Variants in TAF5L observed in about 807,000 individuals in gnomAD.
The protein encoded by TAF5L is TATA-box binding protein associated factor 5 like, also known as TAF5-like RNA polymerase II p300/CBP-associated factor-associated factor 65 kDa subunit 5L.
TAF5L carries 7 observed loss-of-function variants against 51.3 expected under a neutral mutation model. The ratio of observed to expected loss-of-function variants is 0.14; its 90% CI spans 0.08 to 0.26. TAF5L has a LOEUF of 0.26. Ranked by LOEUF, TAF5L falls within the 10% of genes least tolerant of loss-of-function variation. The pLI is 1.00. For synonymous variants in TAF5L, 291 were observed against 308.1 expected (o/e 0.94, Z 0.58); for missense variants, 575 against 758.9 (o/e 0.76, Z 2.85).
At chr1:229,604,789 T>C (rs1261850382) in intron 3 of TAF5L, among the ~76,000 whole-genome samples, 1 of 152,200 alleles carries the variant, frequency 6.6e-6, no homozygotes. Flanking sequence ...GCAACCACCA[T>C]GTGACCAGCT....
chr1:229,605,824 C>A (rs1490163829), intron 3 of TAF5L, among the ~76,000 whole-genome samples: 1 of 152,194 alleles, frequency 6.6e-6, no homozygotes. Flanking sequence ...GGGTCTCCAG[C>A]CTGCTGGCCC....
At chr1:229,600,786 G>GAGA in intron 4 of TAF5L, 1 of 985,416 alleles carries the variant, frequency 1.0e-6, no homozygotes, top group Non-Finnish European at 1.2e-6. Flanking sequence ...GTAGTGGCCA[G>GAGA]AGTCTTAAAA....
chr1:229,615,430 C>T (rs1367330863), intron 1 of TAF5L, among the ~76,000 whole-genome samples: 4 of 151,898 alleles, frequency 2.6e-5, no homozygotes, highest in Non-Finnish European at 5.9e-5. Context: ...CTTTTTTGCT[C>T]TTTATTTAAA....
In TAF5L at chr1:229,594,006, A is replaced by C; in HGVS notation, c.*291T>G. On this transcript the variant is annotated 3_prime_UTR_variant, in exon 5 of 5. Transcript: ENST00000258281. The surrounding 1 kb of genome is among the most constrained non-coding windows in gnomAD (Gnocchi z 7.9). ...TCAGATGGTGAAAATGAGAGACAGG[A>C]AGGTGCTCGCATGCGCGAGGTCACG... is the stretch of plus-strand genomic sequence containing the variant. 1 of 305,704 alleles carries C rather than the reference A, an allele frequency of 3.3e-6. No homozygotes were observed. Among genetic ancestry groups the C allele is most frequent in the South Asian group, 4.2e-5 (1 of 23,936 alleles). The allele number at this position is 305,704 out of a possible 1,614,324, so 18.9% of individuals were successfully genotyped here.
intron 4 of TAF5L, among the ~76,000 whole-genome samples, chr1:229,597,811 C>T (rs1664183399): frequency 6.6e-6 from 1 of 152,152 alleles, no homozygotes; most frequent in Admixed American, 6.5e-5. Context: ...TCATCTCATG[C>T]ACCCTTGTGC....
Position 229,602,803 on chromosome 1 carries a change from G to A in TAF5L, c.364C>T (p.Arg122Cys), listed in dbSNP as rs1431470475. Residue 122 changes from arginine (R) to cysteine (C), a missense_variant, in exon 4 of 5, where the codon CGC (arginine) becomes TGC (cysteine). This residue lies in a region of TAF5L where 380 missense variants were observed against 443.7 expected (regional missense o/e 0.86). Transcript: ENST00000258281. The surrounding 1 kb of genome is among the most constrained non-coding windows in gnomAD (Gnocchi z 4.6). ...TTCTGCAGAAACATTCCATGGAAGCGGCTGTAAAAACTTTCCACTGTGCTC... is the reference window on the plus strand; with the variant it reads ...TTCTGCAGAAACATTCCATGGAAGCAGCTGTAAAAACTTTCCACTGTGCTC... 1.1e-5 allele frequency: 18 copies of A among 1,613,860 alleles called. No individual in the cohort carries two copies. Among genetic ancestry groups the A allele is most frequent in the South Asian group, 3.3e-5 (3 of 91,086 alleles).
Position 229,599,964 on chromosome 1 carries a change from C to T in TAF5L, c.972+2231G>A, listed in dbSNP as rs1003286403. 4.6e-5 allele frequency: 45 copies of T among 985,444 alleles called. No individual in the cohort carries two copies. In the African/African-American group the frequency reaches 7.3e-4, roughly 16 times the overall value. 61.0% of individuals were successfully genotyped at this position (985,444 alleles called of 1,614,324 possible). On this transcript the variant is annotated intron_variant, in intron 4 of 4. Transcript: ENST00000258281. ...TGTACTTTCTATCATCTCATTAATC[C>T]ATGTGGCTTCACCACTTGCTTTTAC... is the stretch of plus-strand genomic sequence containing the variant.
At chr1:229,611,962 T>C (rs1313891115) in intron 2 of TAF5L, among the ~76,000 whole-genome samples, 20 of 152,200 alleles carry the variant, frequency 1.3e-4, no homozygotes, top group Admixed American at 1.3e-3. Context: ...ATTTGGATGA[T>C]CTTTTCTGCT....
chr1:229,601,309 CA>C, intron 4 of TAF5L: 1 of 985,326 alleles, frequency 1.0e-6, no homozygotes, highest in Non-Finnish European at 1.2e-6. Flanking sequence ...CTTAATTATT[CA>C]ACATTGTGTA....
chr1:229,622,519 C>T (rs1665249148), intron 1 of TAF5L, among the ~76,000 whole-genome samples: 1 of 152,232 alleles, frequency 6.6e-6, no homozygotes, highest in African/African-American at 2.4e-5. Flanking sequence ...CCCAACTCTA[C>T]TACCATTTTC....
chr1:229,623,177 G>A (rs1441009951), intron 1 of TAF5L, among the ~76,000 whole-genome samples: 9 of 152,214 alleles, frequency 5.9e-5, no homozygotes, highest in Non-Finnish European at 1.2e-4. Flanking sequence ...GGGAGGCTGA[G>A]GCAGGAGAAT....
At chr1:229,617,463 G>C (rs1011177750) in intron 1 of TAF5L, among the ~76,000 whole-genome samples, 2 of 152,170 alleles carry the variant, frequency 1.3e-5, no homozygotes, top group Non-Finnish European at 2.9e-5. Flanking sequence ...TACTCTAGCT[G>C]AGACTGAAAT....
At chr1:229,623,401 A>G (rs540711986) in intron 1 of TAF5L, among the ~76,000 whole-genome samples, 1 of 152,268 alleles carries the variant, frequency 6.6e-6, no homozygotes, top group South Asian at 2.1e-4. Context: ...CACTGGACCA[A>G]TCCTTGGTTC....
At chr1:229,614,254 T>C (rs775284048) in intron 2 of TAF5L, 87 bp downstream of exon 2, 3 of 1,611,032 alleles carry the variant, frequency 1.9e-6, no homozygotes, top group Non-Finnish European at 2.5e-6. Context: ...GGCACTGTCT[T>C]GAGAAGAGGA....
At chr1:229,617,037 G>A (rs1263916398) in intron 1 of TAF5L, among the ~76,000 whole-genome samples, 1 of 152,148 alleles carries the variant, frequency 6.6e-6, no homozygotes, top group African/African-American at 2.4e-5. Flanking sequence ...TGGGTATGGT[G>A]TATTATTCTC....
chr1:229,606,396 C>G (rs1156419203), intron 3 of TAF5L: 1 of 981,118 alleles, frequency 1.0e-6, no homozygotes, highest in East Asian at 1.1e-4. Context: ...TATCTACCCA[C>G]TGAAATGTAA....
intron 4 of TAF5L, chr1:229,600,275 C>G: frequency 1.0e-6 from 1 of 985,188 alleles, no homozygotes; most frequent in Non-Finnish European, 1.2e-6. Context: ...AGCCCCTCAA[C>G]AACAGAATAG....
intron 4 of TAF5L, among the ~76,000 whole-genome samples, chr1:229,597,341 AGGAGCATGGGCTG>A (rs1031287978): frequency 1.4e-4 from 22 of 152,254 alleles, no homozygotes; most frequent in African/African-American, 5.3e-4. Flanking sequence ...TGCATGGGCT[AGGAGCATGGGCTG>A]GGAGTCCAGC....
At chr1:229,610,851 T>C (rs1169043550) in intron 2 of TAF5L, among the ~76,000 whole-genome samples, 1 of 152,206 alleles carries the variant, frequency 6.6e-6, no homozygotes, top group Non-Finnish European at 1.5e-5. Context: ...ATGTATCTAA[T>C]TGGTAACTTT....
Sources: allele counts gnomAD v4.1 joint callset (sites outside exome capture counted in the v4.1 genomes callset), GRCh38; gene constraint gnomAD v4.1.1; regional missense constraint gnomAD v4.1.1; non-coding constraint Gnocchi (gnomAD v3.1); transcripts MANE v1.5; gene names NCBI Gene and HGNC (gene_info 2026-07-23, HGNC 2026-07-21).